ASCC1: variants seen among roughly 807,000 people sequenced by gnomAD.
ASCC1 encodes the protein ASC-1 complex subunit P50.
A neutral mutation model predicts 46.6 loss-of-function variants in ASCC1; 35 were observed. That is an observed-to-expected ratio of 0.75 (90% CI 0.57 to 0.99). ASCC1 has a LOEUF of 0.99. ASCC1 is among the 50% of genes least tolerant of loss of function. The probability of loss-of-function intolerance (pLI) is 0.00; values close to 1 mark genes in which losing one functional copy is unlikely to be tolerated. For missense variants in ASCC1, 376 were observed against 428.7 expected, an observed-to-expected ratio of 0.88 and a Z score of 1.09; for synonymous variants, 143 against 146.6, an observed-to-expected ratio of 0.98 and a Z score of 0.18.
intron 5 of ASCC1, among the ~76,000 whole-genome samples, chr10:72,162,806 G>T (rs1300172365): frequency 6.6e-5 from 10 of 151,926 alleles, no homozygotes; most frequent in Non-Finnish European, 1.5e-5. Context: ...AGCTGGGTGT[G>T]GTGGCAGGCG....
At chr10:72,121,846 G>A (rs1844244603) in intron 9 of ASCC1, among the ~76,000 whole-genome samples, 1 of 152,114 alleles carries the variant, frequency 6.6e-6, no homozygotes, top group African/African-American at 2.4e-5. Context: ...GATCCAGAAG[G>A]CATAAAATCA....
rs143416302 is a variant in ASCC1 at position 72,161,593 on chromosome 10, C to G, written c.571G>C (p.Glu191Gln). The G allele has an allele frequency of 2.4e-4, 391 of 1,614,088 alleles. No homozygotes were observed. Among genetic ancestry groups the G allele is most frequent in the Non-Finnish European group, 2.4e-4 (278 of 1,180,050 alleles). Residue 191 changes from glutamate to glutamine, a missense_variant, in exon 6 of 10, where the codon GAA becomes CAA. Physicochemically the swap from Glu to Gln is conservative, Grantham distance 29. Transcript: ENST00000672957. ...ATCTCACATGTCTGCTGGATCTCTT[C>G]CTCACTCAAAAGCACCAACATCCCA... The part of the protein sequence containing the change: ...TIGMLVLLSE[E>Q]EIQQTCEMLQ...
chr10:72,102,432 A>G, intron 9 of ASCC1: 1 of 1,540,080 alleles, frequency 6.5e-7, no homozygotes, highest in Non-Finnish European at 8.8e-7. Context: ...AGTTAAGTGG[A>G]AACAGATCAC....
chr10:72,100,484 C>G (rs1841622505), intron 9 of ASCC1, among the ~76,000 whole-genome samples: 1 of 152,184 alleles, frequency 6.6e-6, no homozygotes, highest in Non-Finnish European at 1.5e-5. Flanking sequence ...GCCTTGGCCT[C>G]TCAAAGTGCT....
At chr10:72,156,823 C>A (rs1849040163) in intron 6 of ASCC1, among the ~76,000 whole-genome samples, 1 of 150,742 alleles carries the variant, frequency 6.6e-6, no homozygotes, top group African/African-American at 2.4e-5. Flanking sequence ...CAAAAGACAG[C>A]TGGAAAAAAA....
At chr10:72,176,643 C>T (rs1016709128) in intron 5 of ASCC1, among the ~76,000 whole-genome samples, 1 of 152,164 alleles carries the variant, frequency 6.6e-6, no homozygotes, top group Non-Finnish European at 1.5e-5. Flanking sequence ...CCATGCCCAG[C>T]CTTAACTATT....
At chr10:72,108,917 T>C (rs1005489271) in intron 9 of ASCC1, among the ~76,000 whole-genome samples, 2 of 152,220 alleles carry the variant, frequency 1.3e-5, no homozygotes, top group Admixed American at 6.5e-5. Flanking sequence ...TCTGGTCTCA[T>C]AGGGCTGTAA....
At chr10:72,104,070 G>T (rs753377333) in intron 9 of ASCC1, among the ~76,000 whole-genome samples, 3 of 152,158 alleles carry the variant, frequency 2.0e-5, no homozygotes, top group Non-Finnish European at 4.4e-5. Flanking sequence ...AGTGATGGGT[G>T]AGAGAAGAAA....
In ASCC1 at chr10:72,165,784, C is replaced by A. The variant is rs1446076395; in HGVS notation, c.490-4110G>T. On this transcript the variant is annotated intron_variant, in intron 5 of 9. Coordinates refer to ENST00000672957, the MANE Select transcript of ASCC1 (RefSeq NM_001198800.3). ...AAGGAAGGCTAAGTGCAAGGCTTAT[C>A]ACCCCAGCTTCTCTAACCCATGGCC... Among the ~76,000 whole-genome samples the A allele has an allele frequency of 3.3e-5, 5 of 152,194 alleles. No homozygotes were observed. In the East Asian group the frequency reaches 9.6e-4, roughly 29 times the overall value.
intron 5 of ASCC1, among the ~76,000 whole-genome samples, chr10:72,176,543 C>T (rs11813445): frequency 0.13 from 19,945 of 151,898 alleles, 4,136 homozygotes; most frequent in African/African-American, 0.44. Context: ...CAGAGTTTCA[C>T]TATGTTGCCC....
chr10:72,152,825 T>C, intron 7 of ASCC1, 44 bp downstream of exon 7: 1 of 1,613,104 alleles, frequency 6.2e-7, no homozygotes, highest in Non-Finnish European at 8.5e-7. Flanking sequence ...AGGATGCTTT[T>C]AGGTACCTCT....
chr10:72,141,429 T>C (rs1847002970), intron 7 of ASCC1, among the ~76,000 whole-genome samples: 1 of 152,232 alleles, frequency 6.6e-6, no homozygotes, highest in Admixed American at 6.5e-5. Flanking sequence ...CAGTATTTAC[T>C]GTTATATACA....
intron 5 of ASCC1, among the ~76,000 whole-genome samples, chr10:72,173,918 G>A (rs571151421): frequency 6.6e-6 from 1 of 152,334 alleles, no homozygotes; most frequent in East Asian, 1.9e-4. Context: ...CCAGGCTGGC[G>A]CCTGAAAGTT....
intron 5 of ASCC1, among the ~76,000 whole-genome samples, chr10:72,192,454 C>CAAAAAA (rs770758322): frequency 9.1e-6 from 1 of 109,382 alleles, no homozygotes; most frequent in African/African-American, 3.0e-5. Flanking sequence ...GACTCCGTCT[C>CAAAAAA]AAAAAAAAAA....
chr10:72,127,562 C>T (rs541958073), intron 9 of ASCC1, among the ~76,000 whole-genome samples: 6 of 150,806 alleles, frequency 4.0e-5, no homozygotes, highest in Admixed American at 6.6e-5. Flanking sequence ...TTATTTTCCA[C>T]TTAAAAAAAA....
In ASCC1 at chr10:72,096,963, T is replaced by C. The variant is rs1258009903; in HGVS notation, c.*371A>G. 4.4e-6 allele frequency: 2 copies of C among 454,804 alleles called. No homozygotes were observed. 28.2% of individuals were successfully genotyped at this position (454,804 alleles called of 1,614,324 possible). A position where few individuals can be genotyped will look rare whatever the true frequency, so the allele number is the denominator to read the frequency against. The stretch of plus-strand genomic sequence containing the variant: ...TTTCCATTTTACAAGCTGAGAAGCC[T>C]ATGGAGATGGACGGCGGTGACGGCC... On this transcript the variant is annotated 3_prime_UTR_variant, in exon 10 of 10. Coordinates refer to ENST00000672957, the MANE Select transcript of ASCC1 (RefSeq NM_001198800.3).
chr10:72,125,111 A>G (rs546052625), intron 9 of ASCC1, among the ~76,000 whole-genome samples: 33 of 152,352 alleles, frequency 2.2e-4, no homozygotes, highest in African/African-American at 7.0e-4. Flanking sequence ...CCCAGAACAC[A>G]TATTATACCA....
intron 7 of ASCC1, among the ~76,000 whole-genome samples, chr10:72,152,326 A>G (rs1564654897): frequency 6.6e-6 from 1 of 151,852 alleles, no homozygotes; most frequent in Non-Finnish European, 1.5e-5. Flanking sequence ...CACCATGCCC[A>G]GCCAAAATTA....
intron 5 of ASCC1, among the ~76,000 whole-genome samples, chr10:72,170,662 G>GCT (rs1357701684): frequency 6.6e-6 from 1 of 151,354 alleles, no homozygotes; most frequent in Non-Finnish European, 1.5e-5. Context: ...CAGATTCAAG[G>GCT]AGGCTAGAAA....
Sources: gnomAD v4.1 joint callset for allele counts (sites outside exome capture counted in the v4.1 genomes callset) on GRCh38, gnomAD v4.1.1 for gene constraint, MANE v1.5 for transcripts, NCBI Gene and HGNC (gene_info 2026-07-23, HGNC 2026-07-21) for gene names.